PIGU: variants seen among roughly 807,000 people sequenced by gnomAD.
PIGU encodes phosphatidylinositol glycan anchor biosynthesis class U.
In PIGU, 24 loss-of-function variants were observed where a neutral mutation model predicts 49.9. The ratio of observed to expected loss-of-function variants is 0.48; its 90% CI spans 0.35 to 0.68. The LOEUF (loss-of-function observed/expected upper bound fraction) is 0.68. Among genes scored for constraint, PIGU ranks in the 30% least tolerant of loss-of-function variants. PIGU has a pLI of 0.01. For synonymous variants in PIGU, 220 were observed against 205.7 expected (o/e 1.07, Z -0.59); for missense variants, 490 against 532.6 (o/e 0.92, Z 0.79).
At chr20:34,666,997 C>T (rs892169573) in intron 1 of PIGU, among the ~76,000 whole-genome samples, 2 of 152,054 alleles carry the variant, frequency 1.3e-5, no homozygotes, top group Admixed American at 1.3e-4. Context: ...CGCGCCCAGC[C>T]AGCACCTGAC....
chr20:34,669,959 T>A (rs974865879), intron 1 of PIGU, among the ~76,000 whole-genome samples: 3 of 152,176 alleles, frequency 2.0e-5, no homozygotes, highest in African/African-American at 7.2e-5. Flanking sequence ...GATGTTCATT[T>A]GAGTAATAAA....
At position 34,616,095 on chromosome 20, in the gene PIGU, G is replaced by A; in HGVS notation, c.574C>T (p.Gln192Ter). Residue 192 changes from glutamine (Q) to a stop codon, truncating the protein, a stop_gained, in exon 7 of 12, where the codon CAG (glutamine) becomes TAG (stop). Coordinates refer to ENST00000217446, the MANE Select transcript of PIGU (RefSeq NM_080476.5). LOFTEE classifies it high-confidence loss of function. ...AACAAGGTGAGTGGGTACAGAGACTGGTATGTCGCTAAGGCAAGAAAAATA... is the reference window on the plus strand; with the variant it reads ...AACAAGGTGAGTGGGTACAGAGACTAGTATGTCGCTAAGGCAAGAAAAATA... ...SAIFLALATYQSLYPLTLFVP... is the reference protein window; with the variant it reads ...SAIFLALATY 6.2e-7 allele frequency: 1 copy of A among 1,613,116 alleles called. No homozygotes were observed. Among genetic ancestry groups the A allele is most frequent in the Non-Finnish European group, 8.5e-7 (1 of 1,179,624 alleles).
At position 34,616,072 on chromosome 20, in the gene PIGU, C is replaced by T. The variant is rs750466888; in HGVS notation, c.597G>A (p.Leu199=). ...ATYQSLYPLT[L]FVPGLLYLLQ... ...GGAGATAGAGGAGTCCTGGGACAAACAAGGTGAGTGGGTACAGAGACTGGT... is the reference window on the plus strand; with the variant it reads ...GGAGATAGAGGAGTCCTGGGACAAATAAGGTGAGTGGGTACAGAGACTGGT... Residue 199 remains leucine, a synonymous_variant, in exon 7 of 12, where the codon TTG becomes TTA. Transcript: ENST00000217446. 4 of 1,612,468 alleles carry T rather than the reference C, an allele frequency of 2.5e-6. No homozygotes were observed. The South Asian group carries it at 4.4e-5, about 18-fold the overall frequency.
chr20:34,575,316 C>G (rs1351752149), intron 10 of PIGU, 70 bp from the exon 11 acceptor site: 2 of 1,546,948 alleles, frequency 1.3e-6, no homozygotes, highest in Admixed American at 1.8e-5. Context: ...TGCAATGGCC[C>G]CCCTGAATGG....
At chr20:34,666,738 C>T (rs1358850928) in intron 1 of PIGU, among the ~76,000 whole-genome samples, 1 of 144,496 alleles carries the variant, frequency 6.9e-6, no homozygotes, top group African/African-American at 2.6e-5. Flanking sequence ...GCTCTGTCAC[C>T]CAGGCTGGAG....
At chr20:34,636,049 C>T (rs1429185792) in intron 5 of PIGU, among the ~76,000 whole-genome samples, 1 of 149,406 alleles carries the variant, frequency 6.7e-6, no homozygotes, top group Non-Finnish European at 1.5e-5. Context: ...CATAAAAAAA[C>T]CCTTAGCCAG....
At chr20:34,623,998 G>C (rs539603006) in intron 6 of PIGU, among the ~76,000 whole-genome samples, 11 of 152,216 alleles carry the variant, frequency 7.2e-5, no homozygotes, top group Middle Eastern at 3.4e-3. Flanking sequence ...CTAAGGCTAG[G>C]CTCCAGGAAG....
At chr20:34,622,961 G>T (rs143934057) in intron 6 of PIGU, among the ~76,000 whole-genome samples, 5 of 152,056 alleles carry the variant, frequency 3.3e-5, no homozygotes, top group African/African-American at 1.2e-4. Flanking sequence ...TGTCAGGGTG[G>T]GGGCCAAAAG....
intron 7 of PIGU, among the ~76,000 whole-genome samples, chr20:34,613,015 T>G (rs1256338479): frequency 1.3e-5 from 2 of 152,164 alleles, no homozygotes; most frequent in East Asian, 3.8e-4. Context: ...AAATGGAGTT[T>G]TAATTTCTGC....
rs564672773 is a variant in PIGU, at chr20:34,625,260, C to T, written c.530-9121G>A. ...GCGCATGCCTGTAATCCCAGCTATT[C>T]GGGAAACTGAGGCAGGAGAATCACC... On this transcript the variant is annotated intron_variant, in intron 6 of 11. Coordinates refer to ENST00000217446, the MANE Select transcript of PIGU (RefSeq NM_080476.5). Among the ~76,000 whole-genome samples, 110 of 150,190 alleles carry T rather than the reference C, an allele frequency of 7.3e-4. 1 individual carries two copies. Among genetic ancestry groups the T allele is most frequent in the Middle Eastern group, 6.9e-3 (2 of 290 alleles).
At chr20:34,579,738 T>C (rs1175501420) in intron 10 of PIGU, among the ~76,000 whole-genome samples, 2 of 152,196 alleles carry the variant, frequency 1.3e-5, no homozygotes, top group African/African-American at 4.8e-5. Context: ...TATTAGATCA[T>C]TCAGGTTTCT....
At chr20:34,631,721 CCATATATATATATATATATATATA>C (rs1568649138) in intron 6 of PIGU, among the ~76,000 whole-genome samples, 36 of 46,150 alleles carry the variant, frequency 7.8e-4, no homozygotes, top group African/African-American at 2.2e-3. Context: ...GTCCGGCTAA[CCATATATATATATATATATATATA>C]TATATATATA....
intron 8 of PIGU, among the ~76,000 whole-genome samples, chr20:34,585,809 C>G (rs1983677873): frequency 6.6e-6 from 1 of 152,136 alleles, no homozygotes; most frequent in African/African-American, 2.4e-5. Context: ...CTAAGCCAAA[C>G]AAATCTGAAA....
chr20:34,580,148 G>A (rs371245814), intron 10 of PIGU, among the ~76,000 whole-genome samples: 4 of 152,202 alleles, frequency 2.6e-5, no homozygotes, highest in African/African-American at 9.6e-5. Context: ...TGTGGGATGG[G>A]CAACCACAAA....
intron 7 of PIGU, among the ~76,000 whole-genome samples, chr20:34,611,827 C>T (rs1984827155): frequency 6.6e-6 from 1 of 152,112 alleles, no homozygotes; most frequent in Non-Finnish European, 1.5e-5. Flanking sequence ...CATCTCACGC[C>T]AGCTGGAATG....
chr20:34,657,379 A>G, intron 1 of PIGU, 135 bp from the exon 2 acceptor site: 1 of 639,030 alleles, frequency 1.6e-6, no homozygotes, highest in Non-Finnish European at 2.8e-6. Context: ...AGTGGCTTTA[A>G]GTCTTGAACA....
chr20:34,670,961 C>T (rs1322563232), intron 1 of PIGU, among the ~76,000 whole-genome samples: 1 of 152,182 alleles, frequency 6.6e-6, no homozygotes, highest in East Asian at 1.9e-4. Flanking sequence ...GGGTGAAAGC[C>T]TCAGGAAAGA....
rs1388447262 is a variant in PIGU at position 34,589,142 on chromosome 20, CACACACAT to C, written c.628-543_628-536del. 3.7e-3 allele frequency among the ~76,000 whole-genome samples: 370 copies of C among 100,234 alleles called. 1 individual carries two copies. The highest frequency in any genetic ancestry group is 0.013 in the African/African-American group (348 of 25,786). The allele number at this position is 100,234 out of a possible 152,430, so 65.8% of individuals were successfully genotyped here. On this transcript the variant is annotated intron_variant, in intron 7 of 11. Transcript: ENST00000217446. Reference sequence around the variant, plus strand: ...ACACACACACACACACACACACACACACACACATCTGTAAGTTTCATAAAACATAGATT... The same window carrying C: ...ACACACACACACACACACACACACACCTGTAAGTTTCATAAAACATAGATT...
At chr20:34,675,055 C>T (rs571248467) in intron 1 of PIGU, among the ~76,000 whole-genome samples, 176 of 151,556 alleles carry the variant, frequency 1.2e-3, no homozygotes, top group Middle Eastern at 3.4e-3. Context: ...TCAAGACCAG[C>T]CTGACCAACA....
Sources: gnomAD v4.1 joint callset for allele counts (sites outside exome capture counted in the v4.1 genomes callset) on GRCh38, gnomAD v4.1.1 for gene constraint, MANE v1.5 for transcripts, NCBI Gene and HGNC (gene_info 2026-07-23, HGNC 2026-07-21) for gene names.